ZPBP: variants seen among roughly 807,000 people sequenced by gnomAD.
The protein encoded by ZPBP is zona pellucida binding protein.
A neutral mutation model predicts 44.8 loss-of-function variants in ZPBP; 26 were observed. That is an observed-to-expected ratio of 0.58 (90% CI 0.43 to 0.81). The LOEUF is 0.81. Among genes scored for constraint, ZPBP ranks in the 30% least tolerant of loss-of-function variants. ZPBP has a pLI of 0.00. For synonymous variants in ZPBP, 174 were observed against 153.2 expected (o/e 1.14, Z -1.00); for missense variants, 409 against 434.0 (o/e 0.94, Z 0.51).
chr7:49,840,976 T>C, the ZPBP span, among the ~76,000 whole-genome samples: 7 of 152,180 alleles, frequency 4.6e-5, no homozygotes, highest in Non-Finnish European at 1.0e-4. Context: ...TCAGATGGTG[T>C]CAGGAGAAGA....
intron 7 of ZPBP, among the ~76,000 whole-genome samples, chr7:49,980,771 CA>C (rs1796823214): frequency 6.6e-6 from 1 of 152,070 alleles, no homozygotes; most frequent in East Asian, 1.9e-4. Flanking sequence ...CCTTACATCC[CA>C]ACATTGCCAC....
chr7:49,918,286 C>G (rs935645649), intron 1 of ZPBP: 1 of 152,038 alleles, frequency 6.6e-6, no homozygotes, highest in Non-Finnish European at 1.5e-5. Flanking sequence ...TATCAGAGCC[C>G]GTGATTTGAA....
At chr7:49,860,478 G>A (rs1308832129) in intron 2 of ZPBP, among the ~76,000 whole-genome samples, 4 of 152,148 alleles carry the variant, frequency 2.6e-5, no homozygotes, top group African/African-American at 7.2e-5. Flanking sequence ...TGTATATGCC[G>A]TGATTTGTTG....
At chr7:50,011,159 A>G (rs1798560079) in intron 6 of ZPBP, among the ~76,000 whole-genome samples, 1 of 152,160 alleles carries the variant, frequency 6.6e-6, no homozygotes, top group Non-Finnish European at 1.5e-5. Context: ...TTGGCAACCC[A>G]CATGTAGGAG....
At position 49,981,687 on chromosome 7, in the gene ZPBP, A is replaced by AT. The variant is rs1562820595; in HGVS notation, c.961+1654dup. Among the ~76,000 whole-genome samples the AT allele has an allele frequency of 5.0e-4, 20 of 40,276 alleles. 1 individual carries two copies. The highest frequency in any genetic ancestry group is 1.9e-3 in the South Asian group (2 of 1,080). 26.4% of individuals were successfully genotyped at this position (40,276 alleles called of 152,430 possible). A position where few individuals can be genotyped will look rare whatever the true frequency, so the allele number is the denominator to read the frequency against. ...TATATATTATATATTATATATAATAATATATATAATTATATATAATATATT... is the reference window on the plus strand; with the variant it reads ...TATATATTATATATTATATATAATAATTATATATAATTATATATAATATATT... On this transcript the variant is annotated intron_variant, in intron 7 of 7. Transcript: ENST00000046087.
intron 1 of ZPBP, among the ~76,000 whole-genome samples, chr7:49,930,155 C>T (rs1794398235): frequency 6.6e-6 from 1 of 152,168 alleles, no homozygotes; most frequent in Non-Finnish European, 1.5e-5. Context: ...AAAAGCTGCA[C>T]TAAGGACTGG....
intron 6 of ZPBP, among the ~76,000 whole-genome samples, chr7:49,994,179 T>A (rs554232327): frequency 6.6e-6 from 1 of 152,354 alleles, no homozygotes; most frequent in African/African-American, 2.4e-5. Flanking sequence ...CCCAAAGTTT[T>A]CCCCACTGAG....
chr7:49,958,605 C>T (rs1795709305), intron 7 of ZPBP, among the ~76,000 whole-genome samples: 1 of 152,166 alleles, frequency 6.6e-6, no homozygotes, highest in Non-Finnish European at 1.5e-5. Flanking sequence ...GACCCTTGAT[C>T]TTAGACTTCC....
intron 6 of ZPBP, among the ~76,000 whole-genome samples, chr7:49,988,775 G>A (rs1182945219): frequency 6.6e-6 from 1 of 152,120 alleles, no homozygotes. Context: ...AAAACATACA[G>A]GACTCAGGAA....
chr7:49,848,440 C>T (rs909282459), downstream of ZPBP, among the ~76,000 whole-genome samples: 2 of 152,232 alleles, frequency 1.3e-5, no homozygotes, highest in Non-Finnish European at 2.9e-5. Context: ...TCCCAGGACA[C>T]ATGGGATCCT....
intron 2 of ZPBP, among the ~76,000 whole-genome samples, chr7:49,866,181 T>C (rs958247298): frequency 2.0e-5 from 3 of 152,192 alleles, no homozygotes; most frequent in Non-Finnish European, 4.4e-5. Context: ...TGTTTCTCAC[T>C]TGCTTATCTT....
intron 4 of ZPBP, 85 bp from the exon 5 acceptor site, chr7:50,031,395 T>C: frequency 9.7e-7 from 1 of 1,028,296 alleles, no homozygotes; most frequent in Non-Finnish European, 1.4e-6. Flanking sequence ...AATATCATTA[T>C]TTGGTATGAA....
Position 50,044,974 on chromosome 7 carries a change from G to A in ZPBP, c.487+13015C>T, listed in dbSNP as rs191981278. On this transcript the variant is annotated intron_variant, in intron 4 of 7. Transcript: ENST00000046087. ...CCACGATCAAGTCAGCTTCAACTCT[G>A]GGATGCAAGGCTGGTTCAACATACT... 7.3e-4 allele frequency among the ~76,000 whole-genome samples: 111 copies of A among 152,270 alleles called. 2 individuals are homozygous for A. In the East Asian group the frequency reaches 0.02, roughly 27 times the overall value.
intron 6 of ZPBP, among the ~76,000 whole-genome samples, chr7:50,015,229 A>C (rs551210889): frequency 3.3e-4 from 50 of 152,242 alleles, no homozygotes; most frequent in South Asian, 6.2e-4. Context: ...AAAGTCAGAC[A>C]GCAGATATTT....
chr7:49,967,737 G>T (rs1021767254), intron 7 of ZPBP, among the ~76,000 whole-genome samples: 2 of 152,016 alleles, frequency 1.3e-5, no homozygotes, highest in Non-Finnish European at 2.9e-5. Flanking sequence ...GTAGAGATGG[G>T]GTTTCTCCAT....
chr7:50,043,020 A>T (rs1800170256), intron 4 of ZPBP, among the ~76,000 whole-genome samples: 1 of 152,170 alleles, frequency 6.6e-6, no homozygotes. Context: ...TTGTGGGTTT[A>T]CCAGAATGAG....
At chr7:49,943,565 G>A (rs925359245) in intron 7 of ZPBP, 13 of 381,896 alleles carry the variant, frequency 3.4e-5, no homozygotes, top group East Asian at 2.3e-4. Context: ...GCTCCTTTGC[G>A]AAAGGGGTCA....
chr7:49,898,699 TGGATAAAAAGAAGAATTA>T, intron 2 of ZPBP, among the ~76,000 whole-genome samples: 1 of 152,004 alleles, frequency 6.6e-6, no homozygotes, highest in East Asian at 1.9e-4. Context: ...AGTAGGACAA[TGGATAAAAAGAAGAATTA>T]GGTTTATTTT....
At chr7:49,892,190 G>A (rs1435198801) in intron 2 of ZPBP, among the ~76,000 whole-genome samples, 2 of 151,038 alleles carry the variant, frequency 1.3e-5, no homozygotes, top group African/African-American at 4.9e-5. Context: ...GACTACAGGC[G>A]CCCACCATCA....
Sources: gnomAD v4.1 joint callset for allele counts (sites outside exome capture counted in the v4.1 genomes callset) on GRCh38, gnomAD v4.1.1 for gene constraint, MANE v1.5 for transcripts, NCBI Gene and HGNC (gene_info 2026-07-23, HGNC 2026-07-21) for gene names.